LINC00305: variants seen among roughly 807,000 people sequenced by gnomAD.
The protein encoded by LINC00305 is long independently transcribed non-coding RNA 305.
chr18:64,083,939 G>A (rs915326178), intron 3 of LINC00305, among the ~76,000 whole-genome samples: 23 of 152,196 alleles, frequency 1.5e-4, no homozygotes, highest in African/African-American at 5.5e-4. Flanking sequence ...TCCCCAGGGA[G>A]AGTTCCTGTA....
intron 1 of LINC00305, among the ~76,000 whole-genome samples, chr18:64,118,730 A>G (rs565160776): frequency 1.3e-5 from 2 of 152,134 alleles, no homozygotes; most frequent in Non-Finnish European, 2.9e-5. Context: ...CCCATTTTAT[A>G]CTTATTATCT....
chr18:64,110,977 A>G (rs1248166339), intron 1 of LINC00305, among the ~76,000 whole-genome samples: 4 of 152,114 alleles, frequency 2.6e-5, no homozygotes, highest in Non-Finnish European at 4.4e-5. Context: ...CTACATCCTG[A>G]TTAGTGCTTC....
intron 1 of LINC00305, among the ~76,000 whole-genome samples, chr18:64,129,453 T>C (rs1278617607): frequency 6.6e-6 from 1 of 152,120 alleles, no homozygotes; most frequent in Non-Finnish European, 1.5e-5. Flanking sequence ...GGGCCTTGGG[T>C]ACCAAGAGCT....
chr18:64,141,351 T>C (rs1204070195), intron 1 of LINC00305, among the ~76,000 whole-genome samples: 2 of 152,150 alleles, frequency 1.3e-5, no homozygotes, highest in Non-Finnish European at 2.9e-5. Context: ...GATGGAGAAG[T>C]ACAAAGTAAG....
intron 1 of LINC00305, chr18:64,139,657 C>G (rs2051451880): frequency 6.6e-6 from 1 of 151,946 alleles, no homozygotes; most frequent in Non-Finnish European, 1.5e-5. Flanking sequence ...AAGACAAAAA[C>G]CAATAAAGCA....
At chr18:64,095,459 T>A (rs928177867) in intron 3 of LINC00305, among the ~76,000 whole-genome samples, 10 of 69,654 alleles carry the variant, frequency 1.4e-4, no homozygotes, top group African/African-American at 1.3e-3. Context: ...CAAGAGGAGA[T>A]TTTTTTTTTG....
At chr18:64,099,960 TG>T (rs1277824775) in intron 1 of LINC00305, among the ~76,000 whole-genome samples, 2 of 152,194 alleles carry the variant, frequency 1.3e-5, no homozygotes, top group African/African-American at 4.8e-5. Context: ...CGTGTTGCCC[TG>T]GGCATTAATA....
intron 1 of LINC00305, among the ~76,000 whole-genome samples, chr18:64,133,123 A>AAGTCTCAGAGC (rs1368684792): frequency 2.6e-5 from 4 of 152,142 alleles, no homozygotes; most frequent in African/African-American, 9.7e-5. Context: ...CCTCAGAGGG[A>AAGTCTCAGAGC]AGTCTCAGAG....
At chr18:64,136,538 C>T (rs535330632) in intron 1 of LINC00305, among the ~76,000 whole-genome samples, 12 of 152,248 alleles carry the variant, frequency 7.9e-5, no homozygotes, top group Middle Eastern at 6.8e-3. Flanking sequence ...GGCAAACCAC[C>T]CCCATAATTC....
chr18:64,081,054 A>T (rs1047384968), intron 3 of LINC00305, among the ~76,000 whole-genome samples: 2 of 152,240 alleles, frequency 1.3e-5, no homozygotes, highest in African/African-American at 4.8e-5. Context: ...GGATAAACAC[A>T]TTTATCCAAT....
At chr18:64,134,977 GT>G (rs2051425841) in intron 1 of LINC00305, among the ~76,000 whole-genome samples, 2 of 152,170 alleles carry the variant, frequency 1.3e-5, no homozygotes, top group South Asian at 2.1e-4. Context: ...AGTACCACAA[GT>G]TGGGGAACTT....
chr18:64,136,388 T>C (rs1401603509), intron 1 of LINC00305, among the ~76,000 whole-genome samples: 1 of 152,088 alleles, frequency 6.6e-6, no homozygotes, highest in Non-Finnish European at 1.5e-5. Flanking sequence ...TGGGGAGGCC[T>C]CAGGAAACTT....
At chr18:64,141,955 T>C (rs1039796286) in intron 1 of LINC00305, among the ~76,000 whole-genome samples, 1 of 152,234 alleles carries the variant, frequency 6.6e-6, no homozygotes, top group African/African-American at 2.4e-5. Context: ...CATGATCATT[T>C]CACAGTTTCT....
At chr18:64,113,341 AAAGAG>A (rs2051323458) in intron 1 of LINC00305, among the ~76,000 whole-genome samples, 1 of 152,252 alleles carries the variant, frequency 6.6e-6, no homozygotes, top group East Asian at 1.9e-4. Flanking sequence ...AAAAGCAGAA[AAAGAG>A]ATTATTATCA....
At chr18:64,081,412 A>G (rs1483684713) in intron 3 of LINC00305, among the ~76,000 whole-genome samples, 1 of 152,224 alleles carries the variant, frequency 6.6e-6, no homozygotes, top group Non-Finnish European at 1.5e-5. Flanking sequence ...AGGGAATACA[A>G]GAATCAATCC....
At chr18:64,102,715 G>A (rs939211209) in intron 1 of LINC00305, among the ~76,000 whole-genome samples, 21 of 152,250 alleles carry the variant, frequency 1.4e-4, no homozygotes, top group Admixed American at 5.9e-4. Context: ...GAATCATGGC[G>A]GAGGGCAAAG....
chr18:64,116,738 T>C (rs1027198788), intron 1 of LINC00305, among the ~76,000 whole-genome samples: 1 of 152,184 alleles, frequency 6.6e-6, no homozygotes, highest in Non-Finnish European at 1.5e-5. Flanking sequence ...TTTTGCAAAA[T>C]TTTACAAAAT....
chr18:64,106,285 C>A (rs554578476), intron 1 of LINC00305, among the ~76,000 whole-genome samples: 2 of 152,300 alleles, frequency 1.3e-5, no homozygotes, highest in South Asian at 4.2e-4. Context: ...TTTCTGTAAA[C>A]CTGGGCATGT....
intron 1 of LINC00305, among the ~76,000 whole-genome samples, chr18:64,108,866 A>C (rs1195963804): frequency 6.6e-6 from 1 of 152,252 alleles, no homozygotes; most frequent in African/African-American, 2.4e-5. Context: ...AAGTATTTAT[A>C]CAATGGAGGA....
Sources: gnomAD v4.1 joint callset for allele counts (sites outside exome capture counted in the v4.1 genomes callset) on GRCh38, gnomAD v4.1.1 for gene constraint, MANE v1.5 for transcripts, NCBI Gene and HGNC (gene_info 2026-07-23, HGNC 2026-07-21) for gene names.